The following SLC6A17 variants were observed in gnomAD, a reference collection of about 807,000 sequenced individuals.
SLC6A17 encodes the protein solute carrier family 6 member 17, also known as sodium-dependent neutral amino acid transporter SLC6A17.
In SLC6A17, 21 loss-of-function variants were observed where a neutral mutation model predicts 64.5. The ratio of observed to expected loss-of-function variants is 0.33; its 90% CI spans 0.23 to 0.47. The LOEUF is 0.47. Among genes scored for constraint, SLC6A17 ranks in the 20% least tolerant of loss-of-function variants. The pLI is 1.00. For synonymous variants in SLC6A17, 372 were observed against 399.5 expected (o/e 0.93, Z 0.82); for missense variants, 682 against 963.2 (o/e 0.71, Z 3.86).
Position 110,179,982 on chromosome 1 carries a change from G to A in SLC6A17, c.864+3243G>A, listed in dbSNP as rs151132618. Among the ~76,000 whole-genome samples, 86 of 152,298 alleles carry A rather than the reference G, an allele frequency of 5.6e-4. 2 individuals carry two copies. Among genetic ancestry groups the A allele is most frequent in the African/African-American group, 1.9e-3 (80 of 41,562 alleles). ...AAATCCAGGAGCCAGGCACGGTGGC[G>A]TGTGCCTGTAATTTCAGCTACTTGG... On this transcript the variant is annotated intron_variant, in intron 6 of 11. Transcript: ENST00000331565.
At chr1:110,164,992 G>A (rs1196615430) in intron 1 of SLC6A17, among the ~76,000 whole-genome samples, 1 of 152,212 alleles carries the variant, frequency 6.6e-6, no homozygotes, top group Non-Finnish European at 1.5e-5. Flanking sequence ...CAGGCTCTGA[G>A]CCAAGGAACT....
At position 110,199,633 on chromosome 1, in the gene SLC6A17, T is replaced by C. The variant is rs909200903; in HGVS notation, c.*1189T>C. On this transcript the variant is annotated 3_prime_UTR_variant, in exon 12 of 12. Coordinates refer to ENST00000331565, the MANE Select transcript of SLC6A17 (RefSeq NM_001010898.4). ...TTTCCCAAGCCTTCCTGGCCCACAG[T>C]GGCCAGTGCCATAGGCAGTGCTGTG... The C allele has an allele frequency of 7.9e-6, 2 of 252,724 alleles. No individual in the cohort carries two copies. Among genetic ancestry groups the C allele is most frequent in the Middle Eastern group, 1.1e-3 (1 of 886 alleles). 15.7% of individuals were successfully genotyped at this position (252,724 alleles called of 1,614,324 possible).
chr1:110,198,722 A>C lies in SLC6A17; in HGVS notation c.*278A>C. 9.5e-6 allele frequency: 4 copies of C among 418,914 alleles called. No homozygotes were observed. The highest frequency in any genetic ancestry group is 1.7e-5 in the Non-Finnish European group (4 of 237,068). 25.9% of individuals were successfully genotyped at this position (418,914 alleles called of 1,614,324 possible). The stretch of plus-strand genomic sequence containing the variant: ...TGTAGCCATGTAATTGGAACAACCC[A>C]TAAGGCCTGCTTCCCAGTCCATGGG... On this transcript the variant is annotated 3_prime_UTR_variant, in exon 12 of 12. Coordinates refer to ENST00000331565, the MANE Select transcript of SLC6A17 (RefSeq NM_001010898.4).
At chr1:110,163,398 AT>A (rs1655969170) in intron 1 of SLC6A17, among the ~76,000 whole-genome samples, 1 of 152,214 alleles carries the variant, frequency 6.6e-6, no homozygotes, top group East Asian at 1.9e-4. Flanking sequence ...GGACTTACAT[AT>A]TTTTTAAATG....
Position 110,201,841 on chromosome 1 carries a change from A to C in SLC6A17, c.*3397A>C, listed in dbSNP as rs987202617. Reference sequence around the variant, plus strand: ...CCAGAGTACTCCCCACTGTGAAAAGAGCTGGAAACTAAACTGGTTAGAATG... The same window carrying C: ...CCAGAGTACTCCCCACTGTGAAAAGCGCTGGAAACTAAACTGGTTAGAATG... On this transcript the variant is annotated 3_prime_UTR_variant, in exon 12 of 12. Transcript: ENST00000331565. 1 of 151,998 alleles carries C rather than the reference A, an allele frequency of 6.6e-6. No individual in the cohort carries two copies. The highest frequency in any genetic ancestry group is 1.5e-5 in the Non-Finnish European group (1 of 68,060). 9.4% of individuals were successfully genotyped at this position (151,998 alleles called of 1,614,324 possible). A position where few individuals can be genotyped will look rare whatever the true frequency, so the allele number is the denominator to read the frequency against.
intron 1 of SLC6A17, among the ~76,000 whole-genome samples, chr1:110,152,537 T>C (rs564363759): frequency 6.6e-6 from 1 of 152,272 alleles, no homozygotes; most frequent in South Asian, 2.1e-4. Context: ...TAAGCAGAGC[T>C]CTGGCTGTTG....
intron 9 of SLC6A17, 78 bp from the exon 10 acceptor site, chr1:110,195,508 C>A (rs1656937641): frequency 6.4e-7 from 1 of 1,553,024 alleles, no homozygotes; most frequent in Non-Finnish European, 8.8e-7. Flanking sequence ...ATGGGAGGGG[C>A]CTGGGTGCCC....
intron 2 of SLC6A17, among the ~76,000 whole-genome samples, chr1:110,171,328 C>G (rs1656218069): frequency 6.6e-6 from 1 of 152,212 alleles, no homozygotes; most frequent in South Asian, 2.1e-4. Flanking sequence ...TTTAATTCTC[C>G]TGCTAAATGC....
In SLC6A17 at chr1:110,198,785, C is replaced by T. The variant is rs764181397; in HGVS notation, c.*341C>T. 9.4e-5 allele frequency: 22 copies of T among 234,398 alleles called. No homozygotes were observed. The highest frequency in any genetic ancestry group is 1.7e-4 in the Non-Finnish European group (20 of 120,496). The allele number at this position is 234,398 out of a possible 1,614,324, so 14.5% of individuals were successfully genotyped here. ...GCCACTGCAGGAGTCACTCACCTCC[C>T]TCTCTCCCTGTAACTTGCCACCTGC... On this transcript the variant is annotated 3_prime_UTR_variant, in exon 12 of 12. Coordinates refer to ENST00000331565, the MANE Select transcript of SLC6A17 (RefSeq NM_001010898.4).
At chr1:110,173,663 G>A (rs1464850698) in intron 3 of SLC6A17, among the ~76,000 whole-genome samples, 2 of 152,234 alleles carry the variant, frequency 1.3e-5, no homozygotes, top group Non-Finnish European at 2.9e-5. Flanking sequence ...ATGAGGAGGA[G>A]AAAGTACTTC....
At chr1:110,197,288 C>A (rs976449907) in intron 10 of SLC6A17, 149 bp from the exon 11 acceptor site, 3 of 1,083,746 alleles carry the variant, frequency 2.8e-6, no homozygotes, top group Admixed American at 2.4e-5. Context: ...CCAGCCAGAC[C>A]ACACACAATG....
Position 110,192,707 on chromosome 1 carries a change from A to G in SLC6A17, c.1299+9A>G. The G allele has an allele frequency of 1.2e-6, 2 of 1,609,506 alleles. No individual in the cohort carries two copies. The highest frequency in any genetic ancestry group is 1.7e-6 in the Non-Finnish European group (2 of 1,177,164). Reference sequence around the variant, plus strand: ...AGGACGAGCTGGACAAGGTGCGGGGACAGGCTGCCCTTCCCAGGACAGGCA... The same window carrying G: ...AGGACGAGCTGGACAAGGTGCGGGGGCAGGCTGCCCTTCCCAGGACAGGCA... On this transcript the variant is annotated intron_variant, in intron 8 of 11. Coordinates refer to ENST00000331565, the MANE Select transcript of SLC6A17 (RefSeq NM_001010898.4). The surrounding 1 kb of genome is among the most constrained non-coding windows in gnomAD (Gnocchi z 4.3).
At chr1:110,175,433 A>G (rs1656350000) in intron 5 of SLC6A17, among the ~76,000 whole-genome samples, 1 of 152,186 alleles carries the variant, frequency 6.6e-6, no homozygotes, top group African/African-American at 2.4e-5. Flanking sequence ...GGGCAGCTCC[A>G]TAGCAGTCTC....
chr1:110,164,709 T>A (rs1186746346), intron 1 of SLC6A17, among the ~76,000 whole-genome samples: 6 of 152,216 alleles, frequency 3.9e-5, no homozygotes, highest in Non-Finnish European at 8.8e-5. Flanking sequence ...CTGCTGTAGG[T>A]ATCCTCCTTC....
At chr1:110,175,342 C>T (rs547228198) in intron 5 of SLC6A17, among the ~76,000 whole-genome samples, 29 of 152,294 alleles carry the variant, frequency 1.9e-4, no homozygotes, top group African/African-American at 7.0e-4. Context: ...TGGTGAAAAC[C>T]AGCAGCTTGC....
chr1:110,158,169 G>C (rs1051903178), intron 1 of SLC6A17, among the ~76,000 whole-genome samples: 4 of 152,160 alleles, frequency 2.6e-5, no homozygotes, highest in African/African-American at 7.2e-5. Context: ...CTAGAACAGG[G>C]CCTAGAACAT....
At chr1:110,186,785 GAC>G (rs1207327388) in intron 6 of SLC6A17, among the ~76,000 whole-genome samples, 3 of 152,254 alleles carry the variant, frequency 2.0e-5, no homozygotes, top group African/African-American at 7.2e-5. Flanking sequence ...AGGAAGACGA[GAC>G]ACATAAACCT....
Position 110,200,253 on chromosome 1 carries a change from C to G in SLC6A17, c.*1809C>G. The G allele has an allele frequency of 2.5e-6, 1 of 396,370 alleles. No individual in the cohort carries two copies. Among genetic ancestry groups the G allele is most frequent in the Non-Finnish European group, 4.4e-6 (1 of 225,400 alleles). The allele number at this position is 396,370 out of a possible 1,614,324, so 24.6% of individuals were successfully genotyped here. ...ATCTCCCTTACTCATCCCTCTTCCA[C>G]AGCTTCCCCTTTCTAGCCCCCTCTG... On this transcript the variant is annotated 3_prime_UTR_variant, in exon 12 of 12. Coordinates refer to ENST00000331565, the MANE Select transcript of SLC6A17 (RefSeq NM_001010898.4).
At chr1:110,163,435 C>T (rs1655969873) in intron 1 of SLC6A17, among the ~76,000 whole-genome samples, 1 of 152,188 alleles carries the variant, frequency 6.6e-6, no homozygotes, top group South Asian at 2.1e-4. Context: ...TGCAAGGCTT[C>T]CAGGCAGTGG....
Sources: allele counts gnomAD v4.1 joint callset (sites outside exome capture counted in the v4.1 genomes callset), GRCh38; gene constraint gnomAD v4.1.1; non-coding constraint Gnocchi (gnomAD v3.1); transcripts MANE v1.5; gene names NCBI Gene and HGNC (gene_info 2026-07-23, HGNC 2026-07-21).